Variants in PINX1 observed in about 807,000 individuals in gnomAD.
PINX1 encodes the protein PIN2/TERF1-interacting telomerase inhibitor 1.
In PINX1, 34 loss-of-function variants were observed where a neutral mutation model predicts 25.4. The ratio of observed to expected loss-of-function variants is 1.34; its 90% CI spans 1.02 to 1.78. PINX1 has a LOEUF of 1.78. Ranked by LOEUF, PINX1 falls within the 40% of genes most tolerant of loss-of-function variation. The pLI is 0.00. For missense variants in PINX1, 592 were observed against 404.9 expected, an observed-to-expected ratio of 1.46 and a Z score of -3.97; for synonymous variants, 197 against 147.7, an observed-to-expected ratio of 1.33 and a Z score of -2.42.
In PINX1 at chr8:10,765,235, A is replaced by ATT. The variant is rs1800990554; in HGVS notation, c.*165_*166insAA. On this transcript the variant is annotated 3_prime_UTR_variant, in exon 7 of 7. Coordinates refer to ENST00000314787, the MANE Select transcript of PINX1 (RefSeq NM_017884.6). ...TTAAAAAGGTCCTCCTGGGAATGTA[A>ATT]CTTGGGGGAAATGTGGCGAGAGGGC... 3 of 592,660 alleles carry ATT rather than the reference A, an allele frequency of 5.1e-6. No individual in the cohort carries two copies. Among genetic ancestry groups the ATT allele is most frequent in the Non-Finnish European group, 8.6e-6 (3 of 350,088 alleles). 36.7% of individuals were successfully genotyped at this position (592,660 alleles called of 1,614,324 possible).
chr8:10,812,899 G>C (rs1797579730), intron 6 of PINX1, among the ~76,000 whole-genome samples: 1 of 152,208 alleles, frequency 6.6e-6, no homozygotes, highest in Non-Finnish European at 1.5e-5. Context: ...TTGTGGTCAG[G>C]ATACATGTCC....
chr8:10,835,147 A>C (rs1160604773), intron 1 of PINX1, among the ~76,000 whole-genome samples: 1 of 152,242 alleles, frequency 6.6e-6, no homozygotes, highest in Non-Finnish European at 1.5e-5. Flanking sequence ...CAGCAGCATT[A>C]CAGCTTCCAT....
intron 6 of PINX1, among the ~76,000 whole-genome samples, chr8:10,781,072 G>C (rs1801570363): frequency 6.6e-6 from 1 of 152,140 alleles, no homozygotes; most frequent in Non-Finnish European, 1.5e-5. Flanking sequence ...ACTAATTTTT[G>C]ACAAGAGCAT....
chr8:10,777,239 T>C (rs1461903435), intron 6 of PINX1, among the ~76,000 whole-genome samples: 1 of 152,206 alleles, frequency 6.6e-6, no homozygotes, highest in Non-Finnish European at 1.5e-5. Context: ...TTATGTTTGC[T>C]GATCTACAAG....
At chr8:10,801,537 A>G (rs186983789) in intron 6 of PINX1, among the ~76,000 whole-genome samples, 18 of 152,298 alleles carry the variant, frequency 1.2e-4, no homozygotes, top group African/African-American at 3.6e-4. Context: ...CCAGCTCTGA[A>G]GTGGGCAAGC....
At chr8:10,813,208 T>G (rs1163913388) in intron 6 of PINX1, among the ~76,000 whole-genome samples, 1 of 152,142 alleles carries the variant, frequency 6.6e-6, no homozygotes, top group African/African-American at 2.4e-5. Flanking sequence ...GAAGATTACT[T>G]TGGTGTCCAG....
intron 4 of PINX1, among the ~76,000 whole-genome samples, chr8:10,831,030 G>A (rs1210877620): frequency 6.6e-6 from 1 of 152,208 alleles, no homozygotes; most frequent in Non-Finnish European, 1.5e-5. Flanking sequence ...CAACAGCCAA[G>A]ATATGGAATC....
chr8:10,813,850 C>T (rs1053744838), intron 6 of PINX1, among the ~76,000 whole-genome samples: 9 of 146,748 alleles, frequency 6.1e-5, no homozygotes, highest in African/African-American at 2.0e-4. Flanking sequence ...AGGCTCAATC[C>T]GGAAACAAGC....
At chr8:10,799,229 A>C (rs55637012) in intron 6 of PINX1, among the ~76,000 whole-genome samples, 29,323 of 152,036 alleles carry the variant, frequency 0.19, 3,092 homozygotes, top group Non-Finnish European at 0.23. Flanking sequence ...TATTATAAAC[A>C]TAAACTTATG....
rs754501136 is a variant in PINX1, at chr8:10,832,907, AG to A, written c.206del (p.Ala69ValfsTer23). The A allele has an allele frequency of 1.1e-5, 18 of 1,607,326 alleles. 1 individual carries two copies. In the Admixed American group the frequency reaches 2.7e-4, roughly 24 times the overall value. On this transcript the variant is annotated frameshift_variant, in exon 3 of 7. Transcript: ENST00000314787. LOFTEE classifies it high-confidence loss of function. ...TGCTGCTCACTTCATTATTGATGGT[AG>A]CTCCGAGTCCCAGGTGGTTATTTTT... ...QVKNNHLGLG[A>X]TINNEDNWIA...
At chr8:10,796,545 G>C (rs1244300647) in intron 6 of PINX1, among the ~76,000 whole-genome samples, 1 of 152,072 alleles carries the variant, frequency 6.6e-6, no homozygotes, top group African/African-American at 2.4e-5. Context: ...TGTTCTCTTT[G>C]TTTAGTTCTA....
At chr8:10,820,169 C>G (rs765502239) in intron 6 of PINX1, 24 bp downstream of exon 6, 6 of 1,461,102 alleles carry the variant, frequency 4.1e-6, no homozygotes, top group Non-Finnish European at 5.8e-6. Flanking sequence ...AAGCGGAACA[C>G]GGAAACTGTA....
chr8:10,821,936 C>T (rs1387686019), intron 5 of PINX1: 4 of 152,160 alleles, frequency 2.6e-5, no homozygotes, highest in African/African-American at 4.8e-5. Flanking sequence ...CACACAGATT[C>T]AAAACAGATC....
chr8:10,796,474 G>C (rs549283761), intron 6 of PINX1, among the ~76,000 whole-genome samples: 5 of 152,260 alleles, frequency 3.3e-5, no homozygotes, highest in Non-Finnish European at 5.9e-5. Context: ...GCTTGGGAAA[G>C]GGAATGAAGA....
intron 6 of PINX1, among the ~76,000 whole-genome samples, chr8:10,777,717 A>G (rs1014100122): frequency 7.2e-5 from 11 of 152,308 alleles, no homozygotes; most frequent in African/African-American, 2.6e-4. Flanking sequence ...AACTGGAGCA[A>G]CTAGGAGAGA....
At chr8:10,818,559 T>C (rs1377772035) in intron 6 of PINX1, among the ~76,000 whole-genome samples, 5 of 152,098 alleles carry the variant, frequency 3.3e-5, no homozygotes, top group Admixed American at 1.3e-4. Context: ...TACATTTTCA[T>C]AGAGGGTGTC....
chr8:10,836,694 CG>C (rs1798417288), intron 1 of PINX1, among the ~76,000 whole-genome samples: 1 of 95,178 alleles, frequency 1.1e-5, no homozygotes, highest in Non-Finnish European at 2.2e-5. Flanking sequence ...GTTGGGGGGG[CG>C]GGGGGTGGCA....
intron 6 of PINX1, among the ~76,000 whole-genome samples, 161 bp from the exon 7 acceptor site, chr8:10,766,077 G>A (rs958622052): frequency 2.0e-5 from 3 of 152,160 alleles, no homozygotes; most frequent in Non-Finnish European, 4.4e-5. Flanking sequence ...TGAGTGACAC[G>A]CTCCCTTTGG....
chr8:10,767,101 G>T (rs1355256201), intron 6 of PINX1, among the ~76,000 whole-genome samples: 4 of 88,060 alleles, frequency 4.5e-5, no homozygotes, highest in Non-Finnish European at 1.0e-4. Context: ...AGAAGAGGCT[G>T]GGTGTTCTAC....
Sources: gnomAD v4.1 joint callset for allele counts (sites outside exome capture counted in the v4.1 genomes callset) on GRCh38, gnomAD v4.1.1 for gene constraint, MANE v1.5 for transcripts, NCBI Gene and HGNC (gene_info 2026-07-23, HGNC 2026-07-21) for gene names.